The following MANBA variants were observed in gnomAD, a reference collection of about 807,000 sequenced individuals.
The protein encoded by MANBA is beta-mannosidase.
A neutral mutation model predicts 111.1 loss-of-function variants in MANBA; 83 were observed. The observed-to-expected ratio is 0.75, with a 90% CI of 0.63 to 0.90. The LOEUF is 0.90. Among genes scored for constraint, MANBA ranks in the 40% least tolerant of loss-of-function variants. MANBA has a pLI of 0.00. For synonymous variants in MANBA, 370 were observed against 378.7 expected, an observed-to-expected ratio of 0.98 and a Z score of 0.27; for missense variants, 1,036 against 1,069.0, an observed-to-expected ratio of 0.97 and a Z score of 0.43.
At chr4:102,704,795 T>G (rs964272946) in intron 5 of MANBA, among the ~76,000 whole-genome samples, 8 of 152,110 alleles carry the variant, frequency 5.3e-5, no homozygotes, top group Non-Finnish European at 1.2e-4. Context: ...TCTCATGAGC[T>G]TACACTCTAA....
At chr4:102,683,852 A>G (rs1732088431) in intron 7 of MANBA, among the ~76,000 whole-genome samples, 2 of 152,206 alleles carry the variant, frequency 1.3e-5, no homozygotes, top group South Asian at 4.1e-4. Context: ...TTGCCTGTTG[A>G]TATTTTCCCT....
chr4:102,744,820 C>T (rs1723532751), intron 1 of MANBA, among the ~76,000 whole-genome samples: 1 of 152,186 alleles, frequency 6.6e-6, no homozygotes, highest in African/African-American at 2.4e-5. Context: ...TCCACAATCC[C>T]TCCATGGATG....
intron 1 of MANBA, among the ~76,000 whole-genome samples, chr4:102,743,389 T>G (rs542302284): frequency 1.3e-5 from 2 of 152,158 alleles, no homozygotes; most frequent in African/African-American, 4.8e-5. Flanking sequence ...AGATTTCCCT[T>G]CACTGCTATC....
chr4:102,727,121 CA>C, intron 1 of MANBA: 1 of 292,590 alleles, frequency 3.4e-6, no homozygotes. Context: ...TCTAAATGAG[CA>C]AAGTGGGAGA....
At chr4:102,748,193 A>G (rs2110209597) in intron 1 of MANBA, among the ~76,000 whole-genome samples, 1 of 152,306 alleles carries the variant, frequency 6.6e-6, no homozygotes, top group South Asian at 2.1e-4. Context: ...GTCTTTGTGA[A>G]GCTCAAAAAA....
intron 4 of MANBA, among the ~76,000 whole-genome samples, chr4:102,718,675 GA>G (rs1190739843): frequency 9.9e-5 from 15 of 152,198 alleles, no homozygotes; most frequent in Non-Finnish European, 2.2e-4. Context: ...AAGAACTGGT[GA>G]AAGAGAATAT....
intron 12 of MANBA, among the ~76,000 whole-genome samples, chr4:102,651,934 C>G (rs1730350372): frequency 6.8e-6 from 1 of 147,744 alleles, no homozygotes; most frequent in Non-Finnish European, 1.5e-5. Context: ...ACGCTTCCTC[C>G]TCTTAATTTA....
intron 4 of MANBA, among the ~76,000 whole-genome samples, chr4:102,718,054 T>C (rs534624904): frequency 1.8e-4 from 27 of 152,200 alleles, no homozygotes; most frequent in Non-Finnish European, 3.1e-4. Flanking sequence ...AGAAATGAAA[T>C]GTGAACAGAC....
At chr4:102,734,520 T>C in intron 1 of MANBA, 1 of 1,608,054 alleles carries the variant, frequency 6.2e-7, no homozygotes, top group Non-Finnish European at 8.5e-7. Context: ...GGCTGAACCA[T>C]CTGAGCTCAG....
chr4:102,730,675 C>T (rs779265289), intron 1 of MANBA: 12 of 538,154 alleles, frequency 2.2e-5, no homozygotes, highest in Non-Finnish European at 3.8e-5. Context: ...GTGCTTCTTC[C>T]GGGCTTGTAA....
At chr4:102,723,179 C>A (rs1300087501) in intron 3 of MANBA, 138 bp from the exon 4 acceptor site, 3 of 776,384 alleles carry the variant, frequency 3.9e-6, no homozygotes, top group African/African-American at 3.4e-5. Context: ...GGAGGGAACA[C>A]TTCTCTGAAA....
chr4:102,730,550 G>T, intron 1 of MANBA: 1 of 533,790 alleles, frequency 1.9e-6, no homozygotes, highest in Non-Finnish European at 3.8e-6. Flanking sequence ...GAGAAATAAG[G>T]CAAGACGTAA....
chr4:102,721,053 A>G (rs1560796397), intron 4 of MANBA, among the ~76,000 whole-genome samples: 1 of 152,144 alleles, frequency 6.6e-6, no homozygotes, highest in Non-Finnish European at 1.5e-5. Flanking sequence ...ACTAAATTTC[A>G]TGGCTCACGC....
At chr4:102,673,658 A>T (rs192426876) in intron 8 of MANBA, among the ~76,000 whole-genome samples, 1 of 152,346 alleles carries the variant, frequency 6.6e-6, no homozygotes, top group African/African-American at 2.4e-5. Context: ...TTATTTCTCC[A>T]GAATAAACAT....
At chr4:102,700,274 G>A (rs1169319217) in intron 5 of MANBA, among the ~76,000 whole-genome samples, 12 of 151,924 alleles carry the variant, frequency 7.9e-5, no homozygotes, top group East Asian at 7.7e-4. Flanking sequence ...TCTTGCTAAC[G>A]GTCTATCAAT....
intron 5 of MANBA, among the ~76,000 whole-genome samples, chr4:102,694,240 G>A (rs757103284): frequency 2.6e-5 from 4 of 151,974 alleles, no homozygotes; most frequent in Non-Finnish European, 5.9e-5. Context: ...AACACAGTAT[G>A]AAGATCTACA....
Position 102,635,987 on chromosome 4 carries a change from T to C in MANBA, c.2035A>G (p.Met679Val). Residue 679 changes from methionine to valine, a missense_variant, in exon 15 of 17, where the codon ATG becomes GTG. Physicochemically the swap from Met to Val is conservative, Grantham distance 21. Coordinates refer to ENST00000647097, the MANE Select transcript of MANBA (RefSeq NM_005908.4). ...AAATTCTGAGCAAAGTAATGAAGCA[T>C]TTTCCACTTTCCTCCGTACTCTGAA... ...ASLEYGGKWK[M>V]LHYFAQNFFA... The C allele has an allele frequency of 5.0e-6, 8 of 1,613,772 alleles. No individual in the cohort carries two copies. The highest frequency in any genetic ancestry group is 6.8e-6 in the Non-Finnish European group (8 of 1,179,698).
In MANBA at chr4:102,632,043, C is replaced by A. The variant is rs766243688; in HGVS notation, c.*14G>T. On this transcript the variant is annotated 3_prime_UTR_variant, in exon 17 of 17. Coordinates refer to ENST00000647097, the MANE Select transcript of MANBA (RefSeq NM_005908.4). ...TTATTCCCATTGTCCACTGAAAATACAACCTAGATTCCTTCAGTAAATATC... is the reference window on the plus strand; with the variant it reads ...TTATTCCCATTGTCCACTGAAAATAAAACCTAGATTCCTTCAGTAAATATC... 9.6e-6 allele frequency: 15 copies of A among 1,564,432 alleles called. No homozygotes were observed. The East Asian group carries it at 2.7e-4, about 28-fold the overall frequency.
chr4:102,708,338 A>G (rs1733397029), intron 5 of MANBA, among the ~76,000 whole-genome samples: 1 of 152,176 alleles, frequency 6.6e-6, no homozygotes, highest in Non-Finnish European at 1.5e-5. Context: ...CTAGAAATCA[A>G]TAACAAGAGG....
Sources: gnomAD v4.1 joint callset for allele counts (sites outside exome capture counted in the v4.1 genomes callset) on GRCh38, gnomAD v4.1.1 for gene constraint, MANE v1.5 for transcripts, NCBI Gene and HGNC (gene_info 2026-07-23, HGNC 2026-07-21) for gene names.